Variants in ERN1 observed in about 807,000 individuals in gnomAD.
ERN1 encodes endoplasmic reticulum to nucleus signaling 1.
Under a neutral mutation model 113.1 loss-of-function variants are expected in ERN1, and 39 were observed. The observed-to-expected ratio is 0.34, with a 90% confidence interval of 0.27 to 0.45. The LOEUF (loss-of-function observed/expected upper bound fraction) is 0.45, where lower values mean the gene tolerates loss of function less well. ERN1 is among the 20% of genes least tolerant of loss of function. The pLI, the probability that ERN1 is intolerant of heterozygous loss-of-function variation, is 1.00. For missense variants in ERN1, 976 were observed against 1,274.8 expected (o/e 0.77, Z 3.57); for synonymous variants, 507 against 515.9 (o/e 0.98, Z 0.23).
intron 1 of ERN1, among the ~76,000 whole-genome samples, chr17:64,125,749 A>G (rs1386532726): frequency 6.6e-6 from 1 of 152,128 alleles, no homozygotes; most frequent in African/African-American, 2.4e-5. Context: ...TTGGCCTCCT[A>G]AAGTGCTGGG....
At chr17:64,119,376 G>GTTGTTTTTTGT (rs777806993) in intron 1 of ERN1, among the ~76,000 whole-genome samples, 36 of 77,894 alleles carry the variant, frequency 4.6e-4, no homozygotes, top group African/African-American at 2.0e-3. Context: ...TTTTTTCTAG[G>GTTGTTTTTTGT]TTTTTTTTTT....
rs535687973 is a variant in ERN1, at chr17:64,119,739, G to A, written c.54+10237C>T. Among the ~76,000 whole-genome samples, 14 of 151,780 alleles carry A rather than the reference G, an allele frequency of 9.2e-5. No individual in the cohort carries two copies. In the East Asian group the frequency reaches 2.1e-3, roughly 23 times the overall value. On this transcript the variant is annotated intron_variant, in intron 1 of 21. Coordinates refer to ENST00000433197, the MANE Select transcript of ERN1 (RefSeq NM_001433.5). ...ATTTCTAGTTCTAACACTAACTAGC[G>A]GACTCTATCAATCCTAACCTCTCTG...
At chr17:64,090,961 A>G (rs1914072034) in intron 2 of ERN1, among the ~76,000 whole-genome samples, 1 of 152,338 alleles carries the variant, frequency 6.6e-6, no homozygotes, top group South Asian at 2.1e-4. Flanking sequence ...AAAAGTAAAA[A>G]CAGGTTTCTC....
chr17:64,068,332 C>T (rs200395809), intron 6 of ERN1, 41 bp from the exon 7 acceptor site: 1 of 1,360,870 alleles, frequency 7.3e-7, no homozygotes, highest in East Asian at 2.4e-5. Flanking sequence ...CACGGAGGGG[C>T]CATAGTACCT....
At chr17:64,093,152 A>C (rs1336505219) in intron 2 of ERN1, among the ~76,000 whole-genome samples, 1 of 152,264 alleles carries the variant, frequency 6.6e-6, no homozygotes, top group East Asian at 1.9e-4. Context: ...AAAGTAAATA[A>C]ATACATAAAA....
intron 1 of ERN1, among the ~76,000 whole-genome samples, chr17:64,124,088 T>C (rs1169956080): frequency 2.0e-5 from 3 of 152,158 alleles, no homozygotes; most frequent in African/African-American, 7.2e-5. Flanking sequence ...ATTAAAAAGA[T>C]AGGTAATAAC....
At chr17:64,103,630 G>T (rs1406673036) in intron 1 of ERN1, among the ~76,000 whole-genome samples, 1 of 152,096 alleles carries the variant, frequency 6.6e-6, no homozygotes, top group Non-Finnish European at 1.5e-5. Flanking sequence ...TGATTGAAAG[G>T]TACATCACCA....
intron 1 of ERN1, among the ~76,000 whole-genome samples, chr17:64,113,200 A>C (rs1055649953): frequency 6.6e-6 from 1 of 152,240 alleles, no homozygotes; most frequent in African/African-American, 2.4e-5. Context: ...TACCCCCACC[A>C]ATAATGAGAT....
intron 1 of ERN1, chr17:64,129,578 C>G (rs978651766): frequency 2.9e-4 from 105 of 356,848 alleles, no homozygotes; most frequent in Non-Finnish European, 8.5e-5. Flanking sequence ...CCCCGCCAGG[C>G]AGCGCCGGCG....
intron 6 of ERN1, among the ~76,000 whole-genome samples, chr17:64,068,793 T>C (rs1019672331): frequency 6.6e-6 from 1 of 152,112 alleles, no homozygotes; most frequent in African/African-American, 2.4e-5. Flanking sequence ...TGACCCAGCT[T>C]GTGGAGGGTG....
At position 64,044,226 on chromosome 17, in the gene ERN1, GATTAGAAAGGGGTTAGAAAGCTCGGGAA is replaced by G. The variant is rs1413500279; in HGVS notation, c.2722-54_2722-27del. On this transcript the variant is annotated intron_variant, in intron 21 of 21. Coordinates refer to ENST00000433197, the MANE Select transcript of ERN1 (RefSeq NM_001433.5). This position sits in a 1 kb window ranked among gnomAD's most constrained non-coding sequence, Gnocchi z 4.1. ...CTGCAAAGAGTTAGAAAGCTCGGGAGATTAGAAAGGGGTTAGAAAGCTCGGGAAATGTTGGCAAAACACCCTTTCATCA... is the reference window on the plus strand; with the variant it reads ...CTGCAAAGAGTTAGAAAGCTCGGGAGATGTTGGCAAAACACCCTTTCATCA... 1.4e-6 allele frequency: 2 copies of G among 1,458,532 alleles called. No individual in the cohort carries two copies. The allele number at this position is 1,458,532 out of a possible 1,614,324, so 90.3% of individuals were successfully genotyped here.
chr17:64,040,592 T>C lies in ERN1; in HGVS notation c.*3396A>G, dbSNP rs1912306463. On this transcript the variant is annotated 3_prime_UTR_variant, in exon 22 of 22. Coordinates refer to ENST00000433197, the MANE Select transcript of ERN1 (RefSeq NM_001433.5). ...GGTCAACTCTGATAAGGCCCTTTCT[T>C]CTAGAGTTGGTGGGAAGAAACTCTG... 6.6e-6 allele frequency: 1 copy of C among 152,220 alleles called. No homozygotes were observed. Among genetic ancestry groups the C allele is most frequent in the Non-Finnish European group, 1.5e-5 (1 of 68,038 alleles). 9.4% of individuals were successfully genotyped at this position (152,220 alleles called of 1,614,324 possible).
chr17:64,115,450 A>T (rs1914779731), intron 1 of ERN1, among the ~76,000 whole-genome samples: 1 of 152,062 alleles, frequency 6.6e-6, no homozygotes, highest in African/African-American at 2.4e-5. Context: ...CTAGCAGGAG[A>T]GTCGTGTAAT....
Position 64,055,748 on chromosome 17 carries a change from G to A in ERN1, c.1599C>T (p.Ser533=). ...TSSPSTSPRA[S]NHSLCSGSSA... ...AGCTGCCGGAGCAGAGCGAGTGGTT[G>A]GAGGCCCTGGGGGACGTGCTGGGGC... Residue 533 remains serine, a synonymous_variant, in exon 13 of 22, where the codon TCC becomes TCT. Coordinates refer to ENST00000433197, the MANE Select transcript of ERN1 (RefSeq NM_001433.5). 6.2e-7 allele frequency: 1 copy of A among 1,611,590 alleles called. No individual in the cohort carries two copies. The highest frequency in any genetic ancestry group is 8.5e-7 in the Non-Finnish European group (1 of 1,179,214).
intron 2 of ERN1, among the ~76,000 whole-genome samples, chr17:64,091,483 G>A (rs1914087707): frequency 6.6e-6 from 1 of 152,170 alleles, no homozygotes; most frequent in East Asian, 1.9e-4. Flanking sequence ...AAATCCACTA[G>A]GAAGCAAATG....
intron 2 of ERN1, among the ~76,000 whole-genome samples, chr17:64,096,845 G>A (rs1403877120): frequency 1.3e-5 from 2 of 152,170 alleles, no homozygotes; most frequent in Non-Finnish European, 2.9e-5. Flanking sequence ...TATGTGCAGG[G>A]AAAAGCAAAG....
At chr17:64,075,051 G>T in intron 5 of ERN1, 124 bp downstream of exon 5, 1 of 814,552 alleles carries the variant, frequency 1.2e-6, no homozygotes, top group Non-Finnish European at 2.0e-6. Context: ...AGCACCTGAA[G>T]CACAACCCAG....
chr17:64,124,807 A>G lies in ERN1; in HGVS notation c.54+5169T>C, dbSNP rs79815210. 3.3e-3 allele frequency among the ~76,000 whole-genome samples: 507 copies of G among 152,352 alleles called. 28 individuals carry two copies. In the East Asian group the frequency reaches 0.089, roughly 27 times the overall value. On this transcript the variant is annotated intron_variant, in intron 1 of 21. Coordinates refer to ENST00000433197, the MANE Select transcript of ERN1 (RefSeq NM_001433.5). The stretch of plus-strand genomic sequence containing the variant: ...AGCAATAAAAAGGAACAAAGTACTG[A>G]CACATGTTATTATACAACATGGATG...
In ERN1 at chr17:64,046,373, C is replaced by T. The variant is rs568030037; in HGVS notation, c.2530-891G>A. Among the ~76,000 whole-genome samples, 53 of 152,278 alleles carry T rather than the reference C, an allele frequency of 3.5e-4. 1 individual carries two copies. The highest frequency in any genetic ancestry group is 3.4e-3 in the Middle Eastern group (1 of 294). ...CCAGGTGTGTTCGAGAGACATATGACCTGGAGATACTAAGCATTTAAATCC... is the reference window on the plus strand; with the variant it reads ...CCAGGTGTGTTCGAGAGACATATGATCTGGAGATACTAAGCATTTAAATCC... On this transcript the variant is annotated intron_variant, in intron 19 of 21. Coordinates refer to ENST00000433197, the MANE Select transcript of ERN1 (RefSeq NM_001433.5).
Sources: allele counts gnomAD v4.1 joint callset (sites outside exome capture counted in the v4.1 genomes callset), GRCh38; gene constraint gnomAD v4.1.1; non-coding constraint Gnocchi (gnomAD v3.1); transcripts MANE v1.5; gene names NCBI Gene and HGNC (gene_info 2026-07-23, HGNC 2026-07-21).